Variants in ARIH1 observed in about 807,000 individuals in gnomAD.
ARIH1 encodes the protein E3 ubiquitin-protein ligase ARIH1.
ARIH1 carries 8 observed loss-of-function variants against 85.0 expected under a neutral mutation model. The ratio of observed to expected loss-of-function variants is 0.09; its 90% CI spans 0.06 to 0.17. ARIH1 has a LOEUF of 0.17. Ranked by LOEUF, ARIH1 falls within the 10% of genes least tolerant of loss-of-function variation. ARIH1 has a pLI of 1.00. For missense variants in ARIH1, 311 were observed against 718.1 expected (o/e 0.43, Z 6.48); for synonymous variants, 238 against 253.6 (o/e 0.94, Z 0.59).
At chr15:72,533,477 T>C (rs2140418607) in intron 2 of ARIH1, among the ~76,000 whole-genome samples, 1 of 152,346 alleles carries the variant, frequency 6.6e-6, no homozygotes, top group South Asian at 2.1e-4. Context: ...AACAATGTGA[T>C]TGTACATGTG....
intron 1 of ARIH1, among the ~76,000 whole-genome samples, chr15:72,501,129 C>T (rs2063901761): frequency 1.3e-5 from 2 of 152,128 alleles, no homozygotes; most frequent in African/African-American, 4.8e-5. Flanking sequence ...TGGAGATTTA[C>T]ATGGCCTGTT....
At chr15:72,491,809 T>C (rs144058171) in intron 1 of ARIH1, among the ~76,000 whole-genome samples, 1 of 152,360 alleles carries the variant, frequency 6.6e-6, no homozygotes, top group East Asian at 1.9e-4. Flanking sequence ...AGGAATTAAA[T>C]AACCAGCTTT....
intron 1 of ARIH1, among the ~76,000 whole-genome samples, chr15:72,516,297 A>C (rs1231807313): frequency 6.6e-6 from 1 of 152,182 alleles, no homozygotes; most frequent in Non-Finnish European, 1.5e-5. Flanking sequence ...CAGGAGACTT[A>C]AGTCTCTTGA....
intron 1 of ARIH1, among the ~76,000 whole-genome samples, chr15:72,489,180 C>G (rs1041200868): frequency 6.2e-5 from 8 of 129,830 alleles, no homozygotes; most frequent in Non-Finnish European, 1.1e-4. Context: ...GGAGGTCAAT[C>G]AAGGCTGTAG....
intron 1 of ARIH1, among the ~76,000 whole-genome samples, chr15:72,495,647 G>A (rs1217560706): frequency 2.0e-5 from 3 of 152,084 alleles, no homozygotes; most frequent in Non-Finnish European, 2.9e-5. Flanking sequence ...TTAGTTGCAT[G>A]CAAAATAAAA....
chr15:72,543,500 G>A (rs2064116653), intron 2 of ARIH1, among the ~76,000 whole-genome samples: 2 of 152,048 alleles, frequency 1.3e-5, no homozygotes, highest in Admixed American at 6.6e-5. Context: ...TTGGCATTTC[G>A]ATTGATAATA....
Position 72,586,414 on chromosome 15 carries a change from C to G in ARIH1, c.*3122C>G, listed in dbSNP as rs1252443807. On this transcript the variant is annotated 3_prime_UTR_variant, in exon 14 of 14. Coordinates refer to ENST00000379887, the MANE Select transcript of ARIH1 (RefSeq NM_005744.5). ...ATCAGAATGGTAAATTGATTAAATG[C>G]TCCTAACCCTGTAATTTTGTGCATA... The G allele has an allele frequency of 6.6e-6, 1 of 152,144 alleles. No individual in the cohort carries two copies. The highest frequency in any genetic ancestry group is 6.5e-5 in the Admixed American group (1 of 15,270). 9.4% of individuals were successfully genotyped at this position (152,144 alleles called of 1,614,324 possible).
intron 5 of ARIH1, among the ~76,000 whole-genome samples, chr15:72,560,314 C>T (rs549236490): frequency 1.2e-4 from 18 of 152,192 alleles, no homozygotes; most frequent in Admixed American, 4.6e-4. Context: ...TATATCCAAA[C>T]GAGTGTGGAA....
chr15:72,549,836 G>A (rs369176006), intron 3 of ARIH1, among the ~76,000 whole-genome samples: 13 of 152,050 alleles, frequency 8.5e-5, no homozygotes, highest in South Asian at 4.2e-4. Flanking sequence ...TGTATTTTTC[G>A]TGTACTCTCT....
At chr15:72,478,201 C>T (rs145914874) in intron 1 of ARIH1, among the ~76,000 whole-genome samples, 13 of 152,196 alleles carry the variant, frequency 8.5e-5, no homozygotes, top group South Asian at 4.2e-4. Flanking sequence ...CTGCAACCTC[C>T]GCCTCTTGGG....
chr15:72,519,475 G>GTGTT (rs2063989343), intron 2 of ARIH1, among the ~76,000 whole-genome samples: 1 of 62,544 alleles, frequency 1.6e-5, no homozygotes, highest in African/African-American at 6.5e-5. Flanking sequence ...TGTTTTTTTT[G>GTGTT]TTTTTTTTTT....
intron 3 of ARIH1, among the ~76,000 whole-genome samples, chr15:72,546,493 TTTTC>T (rs1434228122): frequency 1.3e-5 from 2 of 152,038 alleles, no homozygotes; most frequent in Non-Finnish European, 2.9e-5. Flanking sequence ...GGTTTTTCTT[TTTTC>T]TTTCTTTCTT....
intron 3 of ARIH1, among the ~76,000 whole-genome samples, chr15:72,554,328 C>G (rs532808161): frequency 9.9e-5 from 15 of 152,270 alleles, no homozygotes; most frequent in African/African-American, 2.9e-4. Flanking sequence ...TTTTACATTT[C>G]CATCAACAGT....
chr15:72,581,247 G>A (rs1018705727), intron 12 of ARIH1, among the ~76,000 whole-genome samples: 2 of 152,166 alleles, frequency 1.3e-5, no homozygotes, highest in Admixed American at 6.5e-5. Flanking sequence ...ACTTCATTAT[G>A]TTTTAGCTCT....
chr15:72,508,710 T>C (rs78848622), intron 1 of ARIH1, among the ~76,000 whole-genome samples: 1 of 151,320 alleles, frequency 6.6e-6, no homozygotes, highest in Admixed American at 6.6e-5. Context: ...TTTTTTTTTT[T>C]TGAGACGGAG....
chr15:72,477,023 C>T (rs983741135), intron 1 of ARIH1, among the ~76,000 whole-genome samples: 1 of 152,100 alleles, frequency 6.6e-6, no homozygotes, highest in African/African-American at 2.4e-5. Context: ...ATAGGTCAGT[C>T]TTTGAGTGTT....
intron 2 of ARIH1, among the ~76,000 whole-genome samples, chr15:72,524,358 C>T (rs769695800): frequency 1.3e-5 from 2 of 151,406 alleles, no homozygotes; most frequent in East Asian, 1.9e-4. Context: ...CGATTACAGG[C>T]GTGCGCCACC....
At chr15:72,567,345 CTTTGAG>C (rs932360751) in intron 9 of ARIH1, among the ~76,000 whole-genome samples, 168 bp downstream of exon 9, 2 of 134,812 alleles carry the variant, frequency 1.5e-5, no homozygotes, top group Admixed American at 1.5e-4. Flanking sequence ...TCCTTTTTCT[CTTTGAG>C]TTTATTTTAG....
At chr15:72,477,258 C>T (rs1303662796) in intron 1 of ARIH1, among the ~76,000 whole-genome samples, 1 of 152,122 alleles carries the variant, frequency 6.6e-6, no homozygotes, top group Non-Finnish European at 1.5e-5. Flanking sequence ...CTCTTTTGCC[C>T]ATTGCCCCTC....
Sources: allele counts gnomAD v4.1 joint callset (sites outside exome capture counted in the v4.1 genomes callset), GRCh38; gene constraint gnomAD v4.1.1; transcripts MANE v1.5; gene names NCBI Gene and HGNC (gene_info 2026-07-23, HGNC 2026-07-21).